Variants in NAV3 observed in about 807,000 individuals in gnomAD.
NAV3 encodes the protein neuron navigator 3.
In NAV3, 87 loss-of-function variants were observed where a neutral mutation model predicts 244.7. That is an observed-to-expected ratio of 0.36 (90% CI 0.30 to 0.42). The LOEUF is 0.42. Ranked by LOEUF, NAV3 falls within the 20% of genes least tolerant of loss-of-function variation. NAV3 has a pLI of 1.00. For missense variants in NAV3, 2,663 were observed against 2,893.3 expected, an observed-to-expected ratio of 0.92 and a Z score of 1.83; for synonymous variants, 1,126 against 1,042.2, an observed-to-expected ratio of 1.08 and a Z score of -1.55.
At chr12:78,134,271 C>T (rs1018604901) in intron 18 of NAV3, among the ~76,000 whole-genome samples, 14 of 152,106 alleles carry the variant, frequency 9.2e-5, no homozygotes, top group African/African-American at 2.4e-4. Context: ...TAGAATCTCA[C>T]AGTCAGAAGA....
At chr12:77,875,223 A>G (rs1025330253) in intron 1 of NAV3, among the ~76,000 whole-genome samples, 5 of 152,056 alleles carry the variant, frequency 3.3e-5, no homozygotes, top group African/African-American at 1.2e-4. Context: ...AGAATACCTC[A>G]TATATGGTGT....
chr12:78,065,209 CA>C (rs1472808780), intron 12 of NAV3, among the ~76,000 whole-genome samples: 1 of 151,800 alleles, frequency 6.6e-6, no homozygotes, highest in Non-Finnish European at 1.5e-5. Flanking sequence ...GCCTGCCCAG[CA>C]GGTGAGGTAA....
chr12:77,664,899 A>C (rs745934950), intron 2 of NAV3, among the ~76,000 whole-genome samples: 5 of 152,020 alleles, frequency 3.3e-5, no homozygotes, highest in Non-Finnish European at 7.4e-5. Flanking sequence ...ACAGATTTTT[A>C]TTTTACTTAT....
intron 1 of NAV3, among the ~76,000 whole-genome samples, chr12:77,846,695 C>T (rs935097187): frequency 4.6e-5 from 7 of 152,054 alleles, no homozygotes; most frequent in African/African-American, 1.2e-4. Context: ...ATTAAGGATT[C>T]GTTGTTAGAT....
chr12:77,706,908 A>AG (rs1403882763), intron 2 of NAV3, among the ~76,000 whole-genome samples: 1 of 142,248 alleles, frequency 7.0e-6, no homozygotes, highest in South Asian at 2.1e-4. Flanking sequence ...AAAAAAAAAA[A>AG]CTAGGAAAAA....
Position 78,107,076 on chromosome 12 carries a change from G to A in NAV3, c.2637-9696G>A, listed in dbSNP as rs768216222. On this transcript the variant is annotated intron_variant, in intron 12 of 39. Coordinates refer to ENST00000397909, the MANE Select transcript of NAV3 (RefSeq NM_001024383.2). ...GGAAAAAATTTTCCCATATGAAAGC[G>A]AATTCAAATATAGGAAGAAGCGACT... 1.1e-4 allele frequency among the ~76,000 whole-genome samples: 16 copies of A among 152,176 alleles called. No individual in the cohort carries two copies. In the South Asian group the frequency reaches 2.3e-3, roughly 22 times the overall value.
chr12:77,733,636 G>C (rs1877213093), intron 2 of NAV3, among the ~76,000 whole-genome samples: 1 of 151,920 alleles, frequency 6.6e-6, no homozygotes, highest in Non-Finnish European at 1.5e-5. Context: ...CGGGGAAAAA[G>C]TTACACTTAA....
chr12:77,843,909 G>T (rs532446139), intron 1 of NAV3, among the ~76,000 whole-genome samples: 6 of 152,086 alleles, frequency 3.9e-5, no homozygotes, highest in African/African-American at 1.4e-4. Context: ...AATAAAATGG[G>T]ATTATATGAA....
intron 5 of NAV3, among the ~76,000 whole-genome samples, chr12:77,994,116 A>G (rs1324267402): frequency 2.0e-5 from 3 of 152,272 alleles, no homozygotes; most frequent in Non-Finnish European, 2.9e-5. Flanking sequence ...TTAAAAAATC[A>G]TTGAGAAATG....
At chr12:77,933,205 C>T (rs1040184213) in intron 1 of NAV3, among the ~76,000 whole-genome samples, 8 of 152,094 alleles carry the variant, frequency 5.3e-5, no homozygotes, top group African/African-American at 1.9e-4. Flanking sequence ...TTAAAGCAAT[C>T]ACTATCTGTA....
chr12:77,818,517 TTTGCCTGTTTTTGA>T (rs1218833732), intron 2 of NAV3, among the ~76,000 whole-genome samples: 5 of 152,128 alleles, frequency 3.3e-5, no homozygotes, highest in Middle Eastern at 3.2e-3. Flanking sequence ...TTTGGTTTGG[TTTGCCTGTTTTTGA>T]CAGAAAGTGT....
At position 77,757,265 on chromosome 12, in the gene NAV3, G is replaced by C. The variant is rs73414539; in HGVS notation, c.73-183054G>C. On this transcript the variant is annotated intron_variant, in intron 2 of 8. Transcript: ENST00000550042. The stretch of plus-strand genomic sequence containing the variant: ...TGTCTCTCCTACTCACATTTCATTA[G>C]CCAAAGTTAGTCACATAGTCAAGCC... Among the ~76,000 whole-genome samples the C allele has an allele frequency of 3.4e-3, 514 of 152,244 alleles. 2 individuals are homozygous for C. The highest frequency in any genetic ancestry group is 0.01 in the Middle Eastern group (3 of 294).
At chr12:77,591,449 G>C (rs1869898897) in intron 2 of NAV3, among the ~76,000 whole-genome samples, 1 of 152,182 alleles carries the variant, frequency 6.6e-6, no homozygotes, top group Non-Finnish European at 1.5e-5. Flanking sequence ...CAAAGTTGGA[G>C]ACATTTCTAG....
At chr12:77,902,776 A>T (rs1006784506) in intron 1 of NAV3, among the ~76,000 whole-genome samples, 7 of 152,224 alleles carry the variant, frequency 4.6e-5, no homozygotes, top group African/African-American at 1.7e-4. Context: ...CCTTAAGCTG[A>T]TAGACAACTT....
intron 5 of NAV3, among the ~76,000 whole-genome samples, chr12:77,989,407 T>C (rs1380004356): frequency 6.6e-6 from 1 of 152,200 alleles, no homozygotes; most frequent in Non-Finnish European, 1.5e-5. Context: ...CAAACCAAAC[T>C]GTTTGCCCAT....
At chr12:77,745,988 T>TAA (rs35139297) in intron 2 of NAV3, among the ~76,000 whole-genome samples, 51,682 of 106,902 alleles carry the variant, frequency 0.48, 11,579 homozygotes, top group East Asian at 0.75. Flanking sequence ...AGACTTAAGG[T>TAA]AAAAAAAAAA....
At position 78,137,196 on chromosome 12, in the gene NAV3, T is replaced by C. The variant is rs750822171; in HGVS notation, c.4461T>C (p.Ser1487=). The change falls in exon 19 of 40, where the codon TCT becomes TCC. Residue 1487 remains serine, a synonymous_variant. Transcript: ENST00000397909. ...FSNLVSPTNL[S]QFNLPGPSMM... ...TTTCAGTGAGCCCAACAAATTTGTC[T>C]CAGTTTAACCTTCCCGGGCCCAGCA... 9 of 1,610,836 alleles carry C rather than the reference T, an allele frequency of 5.6e-6. No individual in the cohort carries two copies. The highest frequency in any genetic ancestry group is 7.6e-6 in the Non-Finnish European group (9 of 1,178,590).
intron 9 of NAV3, among the ~76,000 whole-genome samples, chr12:78,031,148 A>G (rs1022856816): frequency 2.6e-5 from 4 of 152,194 alleles, no homozygotes; most frequent in African/African-American, 9.7e-5. Flanking sequence ...TGTGAAGTCT[A>G]TATAACATTC....
intron 1 of NAV3, among the ~76,000 whole-genome samples, chr12:77,896,156 C>T (rs1323738965): frequency 6.6e-6 from 1 of 152,042 alleles, no homozygotes; most frequent in Non-Finnish European, 1.5e-5. Flanking sequence ...CTACCTTATC[C>T]TCTGGTTTAA....
Sources: allele counts gnomAD v4.1 joint callset (sites outside exome capture counted in the v4.1 genomes callset), GRCh38; gene constraint gnomAD v4.1.1; transcripts MANE v1.5; gene names NCBI Gene and HGNC (gene_info 2026-07-23, HGNC 2026-07-21).